MACROD2: variants seen among roughly 807,000 people sequenced by gnomAD.
The protein encoded by MACROD2 is ADP-ribose glycohydrolase MACROD2.
MACROD2 carries 36 observed loss-of-function variants against 70.4 expected under a neutral mutation model. The observed-to-expected ratio is 0.51, with a 90% CI of 0.39 to 0.68. The LOEUF is 0.68. Ranked by LOEUF, MACROD2 falls within the 30% of genes least tolerant of loss-of-function variation. The probability of loss-of-function intolerance (pLI) is 0.00; values close to 1 mark genes in which losing one functional copy is unlikely to be tolerated. For synonymous variants in MACROD2, 172 were observed against 178.8 expected (o/e 0.96, Z 0.30); for missense variants, 496 against 538.4 (o/e 0.92, Z 0.78).
chr20:14,044,056 A>G (rs1004099080), intron 2 of MACROD2, among the ~76,000 whole-genome samples: 5 of 152,240 alleles, frequency 3.3e-5, no homozygotes, highest in Admixed American at 6.5e-5. Flanking sequence ...ACTGACTTCA[A>G]GAATGAAGCC....
At chr20:15,864,980 C>T (rs1270313165) in intron 9 of MACROD2, among the ~76,000 whole-genome samples, 1 of 152,060 alleles carries the variant, frequency 6.6e-6, no homozygotes, top group Non-Finnish European at 1.5e-5. Context: ...CCTTACCTGT[C>T]ATTAATTTTA....
chr20:15,461,487 G>A (rs2146414939), intron 7 of MACROD2, among the ~76,000 whole-genome samples: 1 of 152,170 alleles, frequency 6.6e-6, no homozygotes, highest in Middle Eastern at 3.4e-3. Flanking sequence ...TCATTAATAA[G>A]CACTTAACAA....
chr20:14,284,373 TTTG>T (rs1288202375), intron 3 of MACROD2, among the ~76,000 whole-genome samples: 3 of 152,330 alleles, frequency 2.0e-5, no homozygotes, highest in East Asian at 3.9e-4. Flanking sequence ...ACTCTAAGTA[TTTG>T]TAGTACCAAA....
At position 15,885,758 on chromosome 20, in the gene MACROD2, T is replaced by C; in HGVS notation, c.728-6T>C. The C allele has an allele frequency of 6.7e-7, 1 of 1,482,472 alleles. No individual in the cohort carries two copies. Among genetic ancestry groups the C allele is most frequent in the East Asian group, 2.6e-5 (1 of 38,892 alleles). The allele number at this position is 1,482,472 out of a possible 1,614,324, so 91.8% of individuals were successfully genotyped here. A position where few individuals can be genotyped will look rare whatever the true frequency, so the allele number is the denominator to read the frequency against. Reference sequence around the variant, plus strand: ...TATTTCTTTATGTTTTCCTATTTTTTAACAGACGATAATAATGAAGAAGAA... The same window carrying C: ...TATTTCTTTATGTTTTCCTATTTTTCAACAGACGATAATAATGAAGAAGAA... On this transcript the variant is annotated splice_region_variant and splice_polypyrimidine_tract_variant and intron_variant, in intron 9 of 17. Coordinates refer to ENST00000684519, the MANE Select transcript of MACROD2 (RefSeq NM_001351661.2).
intron 6 of MACROD2, among the ~76,000 whole-genome samples, chr20:15,337,899 T>C (rs1167278120): frequency 6.6e-6 from 1 of 151,762 alleles, no homozygotes; most frequent in South Asian, 2.1e-4. Context: ...TGTATTGGTT[T>C]AGTTACACTG....
intron 5 of MACROD2, among the ~76,000 whole-genome samples, chr20:15,155,137 G>A (rs893600678): frequency 6.7e-6 from 1 of 150,160 alleles, no homozygotes; most frequent in Admixed American, 6.6e-5. Context: ...AACTCAAAAT[G>A]GTAACTGTTG....
At chr20:14,156,151 CA>C (rs1238113585) in intron 3 of MACROD2, among the ~76,000 whole-genome samples, 2 of 151,092 alleles carry the variant, frequency 1.3e-5, no homozygotes, top group Admixed American at 1.3e-4. Context: ...GACAAAGTCT[CA>C]AAAAAAATAA....
chr20:15,079,159 A>G (rs908207956), intron 5 of MACROD2, among the ~76,000 whole-genome samples: 11 of 151,974 alleles, frequency 7.2e-5, no homozygotes, highest in African/African-American at 2.7e-4. Context: ...TTTGAAATGT[A>G]TGTTTACTTG....
intron 4 of MACROD2, among the ~76,000 whole-genome samples, chr20:14,664,987 T>A (rs2070721516): frequency 6.6e-6 from 1 of 152,120 alleles, no homozygotes; most frequent in Non-Finnish European, 1.5e-5. Flanking sequence ...AAGTTACATG[T>A]GGACAGCACT....
chr20:15,124,497 C>A (rs1008207402), intron 5 of MACROD2, among the ~76,000 whole-genome samples: 1 of 151,058 alleles, frequency 6.6e-6, no homozygotes, highest in Admixed American at 6.6e-5. Flanking sequence ...TATAGCCAAC[C>A]AAAATAAAAC....
chr20:14,331,575 G>A (rs964814352), intron 3 of MACROD2, among the ~76,000 whole-genome samples: 9 of 152,066 alleles, frequency 5.9e-5, no homozygotes, highest in African/African-American at 2.2e-4. Context: ...TACTCTTTCG[G>A]AAATGAAGAT....
chr20:15,605,453 C>CGTGTGTGTGTGTGTGTGTGTGTGT (rs57584580), intron 8 of MACROD2, among the ~76,000 whole-genome samples: 3 of 141,786 alleles, frequency 2.1e-5, no homozygotes, highest in South Asian at 2.3e-4. Flanking sequence ...AGGATGTAAG[C>CGTGTGTGTGTGTGTGTGTGTGTGT]GTGTGTGTGT....
intron 5 of MACROD2, among the ~76,000 whole-genome samples, chr20:15,081,920 A>G (rs564132847): frequency 6.6e-6 from 1 of 152,234 alleles, no homozygotes; most frequent in East Asian, 1.9e-4. Flanking sequence ...ATATATAACT[A>G]TTACTTTTTG....
intron 8 of MACROD2, among the ~76,000 whole-genome samples, chr20:15,612,323 G>A (rs1230581284): frequency 6.6e-6 from 1 of 152,066 alleles, no homozygotes; most frequent in Non-Finnish European, 1.5e-5. Context: ...TAATCTAATT[G>A]TCTGCCTCTA....
chr20:14,195,468 G>T (rs1398132449), intron 3 of MACROD2, among the ~76,000 whole-genome samples: 1 of 152,066 alleles, frequency 6.6e-6, no homozygotes, highest in Non-Finnish European at 1.5e-5. Context: ...CCGCCTCCAG[G>T]CCTGTGCCCA....
At chr20:15,367,561 C>T (rs1347189870) in intron 6 of MACROD2, among the ~76,000 whole-genome samples, 2 of 152,136 alleles carry the variant, frequency 1.3e-5, no homozygotes, top group Non-Finnish European at 2.9e-5. Context: ...AGCTGATGTA[C>T]TCTTCAAAGA....
intron 3 of MACROD2, among the ~76,000 whole-genome samples, chr20:14,250,059 T>TA (rs2081998544): frequency 6.6e-6 from 1 of 151,720 alleles, no homozygotes; most frequent in Admixed American, 6.6e-5. Flanking sequence ...GGGTAATAAT[T>TA]ACAAAGTTTG....
chr20:15,894,529 G>A (rs1275700529), intron 10 of MACROD2, among the ~76,000 whole-genome samples: 6 of 152,188 alleles, frequency 3.9e-5, no homozygotes. Flanking sequence ...GGGTCTGAGA[G>A]AGACACAAGA....
intron 3 of MACROD2, among the ~76,000 whole-genome samples, chr20:14,257,106 A>G (rs918704814): frequency 6.6e-6 from 1 of 152,158 alleles, no homozygotes; most frequent in African/African-American, 2.4e-5. Context: ...AATACAAAAA[A>G]ATTCACCATA....
Sources: gnomAD v4.1 joint callset for allele counts (sites outside exome capture counted in the v4.1 genomes callset) on GRCh38, gnomAD v4.1.1 for gene constraint, MANE v1.5 for transcripts, NCBI Gene and HGNC (gene_info 2026-07-23, HGNC 2026-07-21) for gene names.